KNTC1: variants seen among roughly 807,000 people sequenced by gnomAD.
The protein encoded by KNTC1 is kinetochore associated 1.
A neutral mutation model predicts 314.4 loss-of-function variants in KNTC1; 253 were observed. That is an observed-to-expected ratio of 0.80 (90% CI 0.73 to 0.89). The LOEUF is 0.89. KNTC1 is among the 40% of genes least tolerant of loss of function. The probability of loss-of-function intolerance (pLI) is 0.00; values close to 1 mark genes in which losing one functional copy is unlikely to be tolerated. For synonymous variants in KNTC1, 901 were observed against 901.4 expected (o/e 1.00, Z 0.01); for missense variants, 2,475 against 2,572.9 (o/e 0.96, Z 0.82).
Position 122,620,510 on chromosome 12 carries a change from G to A in KNTC1, c.6181G>A (p.Gly2061Arg), listed in dbSNP as rs780374419. The A allele has an allele frequency of 1.7e-5, 28 of 1,613,034 alleles. No homozygotes were observed. The highest frequency in any genetic ancestry group is 2.2e-5 in the Non-Finnish European group (26 of 1,179,352). Residue 2061 changes from glycine (G) to arginine (R), a missense_variant, in exon 60 of 64, where the codon GGA becomes AGA. By Grantham distance (125) the Gly-to-Arg change is moderately radical (BLOSUM62 -2). Transcript: ENST00000333479. ...AGTCTCAGGTGATCTTGACCTGATCGGAGTCGCCAGGCAGTATATCCAGTT... is the reference window on the plus strand; with the variant it reads ...AGTCTCAGGTGATCTTGACCTGATCAGAGTCGCCAGGCAGTATATCCAGTT... The part of the protein sequence containing the change: ...CPVSGDLDLI[G>R]VARQYIQLEL...
chr12:122,569,160 C>CA (rs1446746059), intron 21 of KNTC1, among the ~76,000 whole-genome samples: 3 of 151,762 alleles, frequency 2.0e-5, no homozygotes, highest in African/African-American at 4.8e-5. Flanking sequence ...AAAAGTTAAC[C>CA]AAAAAAAGAG....
Position 122,622,616 on chromosome 12 carries a change from A to T in KNTC1, c.6515+9A>T. The T allele has an allele frequency of 6.7e-7, 1 of 1,492,802 alleles. No homozygotes were observed. Among genetic ancestry groups the T allele is most frequent in the African/African-American group, 1.4e-5 (1 of 69,032 alleles). 92.5% of individuals were successfully genotyped at this position (1,492,802 alleles called of 1,614,324 possible). On this transcript the variant is annotated intron_variant, in intron 62 of 63. Coordinates refer to ENST00000333479, the MANE Select transcript of KNTC1 (RefSeq NM_014708.6). ...TTGGCAAATGACTTAAGGTAAGTTA[A>T]TTAAAAAAAAAAAAACTTACTGTGG...
chr12:122,532,534 TAA>T (rs1961446005), intron 2 of KNTC1, among the ~76,000 whole-genome samples: 1 of 152,164 alleles, frequency 6.6e-6, no homozygotes. Flanking sequence ...TCAGGAGCCT[TAA>T]AACGTGGAAG....
At chr12:122,572,281 G>A (rs185358469) in intron 24 of KNTC1, among the ~76,000 whole-genome samples, 62 of 152,156 alleles carry the variant, frequency 4.1e-4, no homozygotes, top group Non-Finnish European at 7.5e-4. Flanking sequence ...TGTAGTCCTA[G>A]CTATTTGAGA....
chr12:122,550,472 T>C (rs544062638), intron 13 of KNTC1, among the ~76,000 whole-genome samples: 1 of 152,242 alleles, frequency 6.6e-6, no homozygotes, highest in South Asian at 2.1e-4. Flanking sequence ...TAATCAAGAA[T>C]CACTCATCAA....
intron 44 of KNTC1, among the ~76,000 whole-genome samples, chr12:122,598,552 C>T (rs1412809023): frequency 1.3e-5 from 2 of 150,384 alleles, no homozygotes; most frequent in African/African-American, 2.4e-5. Context: ...TCCCGAATAG[C>T]TGGAATTACA....
chr12:122,562,439 TTGTGTGTGTGTGTGTGTGTGTG>T (rs4039211), intron 19 of KNTC1, among the ~76,000 whole-genome samples, 177 bp from the exon 20 acceptor site: 3 of 144,982 alleles, frequency 2.1e-5, no homozygotes, highest in South Asian at 2.2e-4. Flanking sequence ...ATCCCATGTT[TTGTGTGTGTGTGTGTGTGTGTG>T]TGTGTGTGTG....
chr12:122,569,839 G>A lies in KNTC1; in HGVS notation c.1860+15G>A, dbSNP rs1395659280. 6.3e-7 allele frequency: 1 copy of A among 1,595,254 alleles called. No homozygotes were observed. On this transcript the variant is annotated intron_variant, in intron 22 of 63. Transcript: ENST00000333479. The stretch of plus-strand genomic sequence containing the variant: ...CTGAAGGACAGGTGAGTTGTCTTCA[G>A]TATTTCCACTCTTGATGACTTTATT...
At position 122,557,698 on chromosome 12, in the gene KNTC1, G is replaced by A. The variant is rs377019053; in HGVS notation, c.1488+9G>A. 55 of 1,604,900 alleles carry A rather than the reference G, an allele frequency of 3.4e-5. No individual in the cohort carries two copies. The African/African-American group carries it at 3.6e-4, about 11-fold the overall frequency. Reference sequence around the variant, plus strand: ...ATTATGCCAAAACCAGGGTAGGTTCGTTTTTTTGTATTTTGTTTTTTTGGG... The same window carrying A: ...ATTATGCCAAAACCAGGGTAGGTTCATTTTTTTGTATTTTGTTTTTTTGGG... On this transcript the variant is annotated intron_variant, in intron 18 of 63. Transcript: ENST00000333479.
intron 20 of KNTC1, among the ~76,000 whole-genome samples, chr12:122,564,076 C>T (rs1964152612): frequency 1.3e-5 from 2 of 152,194 alleles, no homozygotes; most frequent in Admixed American, 6.6e-5. Flanking sequence ...CTCTCAGTTT[C>T]AAGCAATTCT....
chr12:122,592,137 G>A lies in KNTC1; in HGVS notation c.4245+684G>A, dbSNP rs562852936. 9.2e-5 allele frequency among the ~76,000 whole-genome samples: 14 copies of A among 151,896 alleles called. No homozygotes were observed. The South Asian group carries it at 2.7e-3, about 29-fold the overall frequency. On this transcript the variant is annotated intron_variant, in intron 42 of 63. Coordinates refer to ENST00000333479, the MANE Select transcript of KNTC1 (RefSeq NM_014708.6). ...CTCGGAGCGGCCGGCCGGCCCTGCC[G>A]GCCCCGGGCAGTGAGGGGCTTAGCA...
chr12:122,618,567 C>CA (rs1593692861), intron 59 of KNTC1, 22 bp downstream of exon 59: 11 of 1,549,768 alleles, frequency 7.1e-6, no homozygotes, highest in Admixed American at 5.7e-5. Context: ...ATTTGTTCTA[C>CA]CAAAAAAAAA....
At chr12:122,537,660 T>G (rs1217078536) in intron 3 of KNTC1, among the ~76,000 whole-genome samples, 2 of 151,856 alleles carry the variant, frequency 1.3e-5, no homozygotes, top group Non-Finnish European at 2.9e-5. Context: ...TCAAGTGATC[T>G]GCCTGCTTCG....
intron 31 of KNTC1, among the ~76,000 whole-genome samples, 154 bp downstream of exon 31, chr12:122,577,945 A>AG (rs912586670): frequency 5.9e-5 from 9 of 152,286 alleles, no homozygotes; most frequent in East Asian, 1.9e-4. Context: ...TACTACTAGG[A>AG]GAAAAAAAAC....
At position 122,584,309 on chromosome 12, in the gene KNTC1, A is replaced by G; in HGVS notation, c.3295A>G (p.Thr1099Ala). The change falls in exon 35 of 64, where the codon ACT becomes GCT. Residue 1099 changes from threonine to alanine, a missense_variant. Thr to Ala is a moderately conservative substitution (Grantham distance 58). Transcript: ENST00000333479. ...GTTTAAGTATCACTGCAATGCTGACACTGGGAAATTGCTATTTCTGACATG... is the reference window on the plus strand; with the variant it reads ...GTTTAAGTATCACTGCAATGCTGACGCTGGGAAATTGCTATTTCTGACATG... The part of the protein sequence containing the change: ...DLFKYHCNAD[T>A]GKLLFLTCQK... The G allele has an allele frequency of 6.2e-7, 1 of 1,613,506 alleles. No homozygotes were observed. Among genetic ancestry groups the G allele is most frequent in the African/African-American group, 1.3e-5 (1 of 75,032 alleles).
At chr12:122,538,475 A>C (rs1174193897) in intron 4 of KNTC1, 21 bp downstream of exon 4, 10 of 1,264,908 alleles carry the variant, frequency 7.9e-6, no homozygotes, top group Non-Finnish European at 1.1e-5. Context: ...GTTGTATTTT[A>C]ATTTTCATTA....
Position 122,602,599 on chromosome 12 carries a change from T to C in KNTC1, c.4684T>C (p.Tyr1562His), listed in dbSNP as rs1467714969. Residue 1562 changes from tyrosine (Y) to histidine (H), a missense_variant, in exon 46 of 64, where the codon TAC becomes CAC. By Grantham distance (83) the Tyr-to-His change is moderately conservative. Transcript: ENST00000333479. ...GAGTATTCTGAAACATTTGAAGTCA[T>C]ACAGAAGAATTTCTCCTCCCGTGGA... Reference protein sequence around the residue: ...ALSILKHLKSYRRISPPVDLE... With the variant: ...ALSILKHLKSHRRISPPVDLE... 4 of 1,611,304 alleles carry C rather than the reference T, an allele frequency of 2.5e-6. No individual in the cohort carries two copies. The highest frequency in any genetic ancestry group is 3.4e-6 in the Non-Finnish European group (4 of 1,178,040).
intron 57 of KNTC1, 60 bp downstream of exon 57, chr12:122,615,586 G>T: frequency 7.2e-7 from 1 of 1,389,054 alleles, no homozygotes. Context: ...CTGGCCTTGT[G>T]ACTGCTGGGG....
rs752360966 is a variant in KNTC1 at position 122,557,417 on chromosome 12, G to C, written c.1306G>C (p.Glu436Gln). ...VYKVKSNHIL[E>Q]KLALSSVDAS... is the part of the protein sequence containing the mutation. ...CAAGGTCAAGTCAAATCATATATTG[G>C]AGAAACTGGCATTGAGTTCTGTGGA... Residue 436 changes from glutamate to glutamine, a missense_variant, in exon 17 of 64, where the codon GAG becomes CAG. Transcript: ENST00000333479. 6.2e-7 allele frequency: 1 copy of C among 1,613,690 alleles called. No individual in the cohort carries two copies. Among genetic ancestry groups the C allele is most frequent in the Non-Finnish European group, 8.5e-7 (1 of 1,179,776 alleles).
Sources: gnomAD v4.1 joint callset for allele counts (sites outside exome capture counted in the v4.1 genomes callset) on GRCh38, gnomAD v4.1.1 for gene constraint, MANE v1.5 for transcripts, NCBI Gene and HGNC (gene_info 2026-07-23, HGNC 2026-07-21) for gene names.